The following NOL4L variants were observed in gnomAD, a reference collection of about 807,000 sequenced individuals.
NOL4L encodes nucleolar protein 4 like.
In NOL4L, 7 loss-of-function variants were observed where a neutral mutation model predicts 64.5. The observed-to-expected ratio is 0.11, with a 90% confidence interval of 0.06 to 0.20. The LOEUF (loss-of-function observed/expected upper bound fraction) is 0.20, where lower values mean the gene tolerates loss of function less well. Ranked by LOEUF, NOL4L falls within the 10% of genes least tolerant of loss-of-function variation. NOL4L has a pLI of 1.00. For missense variants in NOL4L, 680 were observed against 967.1 expected, an observed-to-expected ratio of 0.70 and a Z score of 3.94; for synonymous variants, 413 against 401.0, an observed-to-expected ratio of 1.03 and a Z score of -0.36.
intron 4 of NOL4L, among the ~76,000 whole-genome samples, chr20:32,492,410 G>A (rs1325577356): frequency 6.6e-6 from 1 of 152,224 alleles, no homozygotes; most frequent in African/African-American, 2.4e-5. Flanking sequence ...TGGTCACCCT[G>A]GCCCAGGGGC....
At chr20:32,536,951 G>T in intron 1 of NOL4L, 1 of 593,914 alleles carries the variant, frequency 1.7e-6, no homozygotes, top group Non-Finnish European at 2.1e-6. Flanking sequence ...TGGAGACCGC[G>T]CCCGCGCGGG....
At position 32,453,511 on chromosome 20, in the gene NOL4L, C is replaced by T. The variant is rs1013811794; in HGVS notation, c.1306-16G>A. 2 of 1,613,370 alleles carry T rather than the reference C, an allele frequency of 1.2e-6. No individual in the cohort carries two copies. The highest frequency in any genetic ancestry group is 1.7e-5 in the Admixed American group (1 of 60,020). Reference sequence around the variant, plus strand: ...GCACAAACATCTGTGGAGACACGGGCCATGGGAAGGGCTGGCCCTGGCCTT... The same window carrying T: ...GCACAAACATCTGTGGAGACACGGGTCATGGGAAGGGCTGGCCCTGGCCTT... On this transcript the variant is annotated splice_polypyrimidine_tract_variant and intron_variant, in intron 7 of 10. Transcript: ENST00000621426. The surrounding 1 kb of genome is among the most constrained non-coding windows in gnomAD (Gnocchi z 5.6).
intron 4 of NOL4L, among the ~76,000 whole-genome samples, chr20:32,489,069 A>G (rs1381513390): frequency 2.5e-5 from 2 of 79,124 alleles, no homozygotes; most frequent in African/African-American, 4.8e-5. Context: ...CTTTTTATTT[A>G]GTTTATGACA....
At chr20:32,461,360 C>A (rs1381318738) in intron 5 of NOL4L, among the ~76,000 whole-genome samples, 2 of 151,850 alleles carry the variant, frequency 1.3e-5, no homozygotes, top group Non-Finnish European at 2.9e-5. Context: ...GTAAAGGTCA[C>A]CTTCTCGGTA....
intron 5 of NOL4L, among the ~76,000 whole-genome samples, chr20:32,468,502 C>T (rs2014736843): frequency 6.6e-6 from 1 of 152,308 alleles, no homozygotes; most frequent in Non-Finnish European, 1.5e-5. Context: ...GTTGGTTGAG[C>T]ACCTATTCAG....
intron 4 of NOL4L, among the ~76,000 whole-genome samples, chr20:32,500,534 C>CT (rs1450879712): frequency 1.8e-5 from 2 of 109,222 alleles, no homozygotes; most frequent in Non-Finnish European, 3.6e-5. Flanking sequence ...TTTTGTATTT[C>CT]TTTCTTTTTT....
chr20:32,447,991 G>C (rs2012472618), intron 10 of NOL4L, among the ~76,000 whole-genome samples, 175 bp from the exon 11 acceptor site: 1 of 152,204 alleles, frequency 6.6e-6, no homozygotes, highest in African/African-American at 2.4e-5. Flanking sequence ...CTTAGAATGG[G>C]CCTGCGGGCG....
At chr20:32,553,172 C>G (rs1011695092) in intron 1 of NOL4L, among the ~76,000 whole-genome samples, 2 of 152,164 alleles carry the variant, frequency 1.3e-5, no homozygotes, top group Non-Finnish European at 2.9e-5. Flanking sequence ...CGGCTCACTT[C>G]TCACCCCACC....
chr20:32,446,892 C>T lies in NOL4L; in HGVS notation c.*704G>A. ...CTTTGCCATGGGTGTGGGTGAGGTC[C>T]TCCTGCTTGGCGTTGCCTAGGGAGG... On this transcript the variant is annotated 3_prime_UTR_variant, in exon 11 of 11. Coordinates refer to ENST00000621426, the MANE Select transcript of NOL4L (RefSeq NM_001256798.2). The T allele has an allele frequency of 4.0e-6, 1 of 247,774 alleles. No homozygotes were observed. The highest frequency in any genetic ancestry group is 5.2e-5 in the Admixed American group (1 of 19,172). The allele number at this position is 247,774 out of a possible 1,614,324, so 15.3% of individuals were successfully genotyped here.
chr20:32,467,129 G>A (rs917543312), intron 5 of NOL4L, among the ~76,000 whole-genome samples: 4 of 152,180 alleles, frequency 2.6e-5, no homozygotes, highest in African/African-American at 4.8e-5. Flanking sequence ...TCACTTGAAC[G>A]GCTTCACGCT....
chr20:32,468,311 T>G (rs1348214647), intron 5 of NOL4L, among the ~76,000 whole-genome samples: 2 of 152,172 alleles, frequency 1.3e-5, no homozygotes, highest in Admixed American at 1.3e-4. Context: ...CTCTCCTGGT[T>G]GGAGCTTGGG....
intron 1 of NOL4L, among the ~76,000 whole-genome samples, chr20:32,574,387 T>C (rs1430575355): frequency 6.6e-6 from 1 of 152,234 alleles, no homozygotes. Context: ...CACCCAGTGG[T>C]TGCTTAGCTG....
chr20:32,459,575 C>G (rs540893270), intron 5 of NOL4L, among the ~76,000 whole-genome samples: 1 of 151,958 alleles, frequency 6.6e-6, no homozygotes, highest in South Asian at 2.1e-4. Flanking sequence ...AGTGGAGACA[C>G]GGTTTCACTA....
At chr20:32,577,388 C>T (rs574962423) in intron 1 of NOL4L, among the ~76,000 whole-genome samples, 14 of 152,228 alleles carry the variant, frequency 9.2e-5, no homozygotes, top group Non-Finnish European at 1.8e-4. Flanking sequence ...TGGGATCTGA[C>T]ACCTGGGAAG....
At chr20:32,512,650 T>C (rs2017460297) in intron 3 of NOL4L, among the ~76,000 whole-genome samples, 1 of 152,246 alleles carries the variant, frequency 6.6e-6, no homozygotes. Flanking sequence ...TTTTTACACA[T>C]GATCTCATAA....
At chr20:32,530,749 C>T (rs1489574703) in intron 1 of NOL4L, among the ~76,000 whole-genome samples, 2 of 151,908 alleles carry the variant, frequency 1.3e-5, no homozygotes, top group Non-Finnish European at 1.5e-5. Context: ...TGGAGAAACC[C>T]CGTCTCTACT....
chr20:32,575,081 C>T (rs1265920287), intron 1 of NOL4L, among the ~76,000 whole-genome samples: 1 of 152,124 alleles, frequency 6.6e-6, no homozygotes. Context: ...TTCTCCATCG[C>T]CCTCTTGCCT....
At chr20:32,461,677 C>T (rs2014080899) in intron 5 of NOL4L, among the ~76,000 whole-genome samples, 1 of 151,616 alleles carries the variant, frequency 6.6e-6, no homozygotes, top group African/African-American at 2.4e-5. Context: ...CCACCTCAGC[C>T]TCCCAAAGTG....
At chr20:32,478,692 C>T (rs964901027) in intron 4 of NOL4L, among the ~76,000 whole-genome samples, 2 of 152,166 alleles carry the variant, frequency 1.3e-5, no homozygotes, top group Non-Finnish European at 2.9e-5. Flanking sequence ...AGCCTCGACC[C>T]CCCAGGCTCC....
Sources: allele counts gnomAD v4.1 joint callset (sites outside exome capture counted in the v4.1 genomes callset), GRCh38; gene constraint gnomAD v4.1.1; non-coding constraint Gnocchi (gnomAD v3.1); transcripts MANE v1.5; gene names NCBI Gene and HGNC (gene_info 2026-07-23, HGNC 2026-07-21).